Variants in MACROD2 observed in about 807,000 individuals in gnomAD.
MACROD2 encodes ADP-ribose glycohydrolase MACROD2.
A neutral mutation model predicts 70.4 loss-of-function variants in MACROD2; 36 were observed. The ratio of observed to expected loss-of-function variants is 0.51; its 90% confidence interval spans 0.39 to 0.68. MACROD2 has a LOEUF of 0.68. Ranked by LOEUF, MACROD2 falls within the 30% of genes least tolerant of loss-of-function variation. MACROD2 has a pLI of 0.00. For missense variants in MACROD2, 496 were observed against 538.4 expected, an observed-to-expected ratio of 0.92 and a Z score of 0.78; for synonymous variants, 172 against 178.8, an observed-to-expected ratio of 0.96 and a Z score of 0.30.
At chr20:14,075,938 G>T (rs2053910852) in intron 2 of MACROD2, among the ~76,000 whole-genome samples, 1 of 152,126 alleles carries the variant, frequency 6.6e-6, no homozygotes, top group Admixed American at 6.6e-5. Context: ...TTGGTCCACA[G>T]CCTCCATAAG....
rs189232033 is a variant in MACROD2, at chr20:14,360,568, G to C, written c.272-132911G>C. ...GCACTGCTGTTTGTAAAAAGAACTT[G>C]AATGAGTCACTTCATCTCTCCTGAG... On this transcript the variant is annotated intron_variant, in intron 3 of 17. Transcript: ENST00000684519. Among the ~76,000 whole-genome samples the C allele has an allele frequency of 3.1e-3, 466 of 152,274 alleles. 6 individuals are homozygous for C. In the Middle Eastern group the frequency reaches 0.034, roughly 11 times the overall value.
chr20:14,014,395 C>A (rs1293050214), intron 2 of MACROD2, among the ~76,000 whole-genome samples: 1 of 152,076 alleles, frequency 6.6e-6, no homozygotes, highest in African/African-American at 2.4e-5. Flanking sequence ...GTGTTTAAAA[C>A]AAGAATTTAA....
chr20:14,694,237 T>C (rs141738360), intron 5 of MACROD2, among the ~76,000 whole-genome samples: 349 of 152,364 alleles, frequency 2.3e-3, no homozygotes, highest in Admixed American at 3.0e-3. Context: ...TTTGTAACTT[T>C]AGTCTAATTT....
At chr20:15,100,224 A>T (rs1236188546) in intron 5 of MACROD2, among the ~76,000 whole-genome samples, 1 of 152,098 alleles carries the variant, frequency 6.6e-6, no homozygotes, top group Non-Finnish European at 1.5e-5. Context: ...AGCAGACTAT[A>T]GATAGTTCCC....
chr20:15,040,315 A>AG (rs1292353080), intron 5 of MACROD2, among the ~76,000 whole-genome samples: 2 of 108,834 alleles, frequency 1.8e-5, no homozygotes, highest in South Asian at 2.8e-4. Context: ...ACTCCGTCTC[A>AG]GGAAAAAAAA....
At chr20:15,463,350 C>A (rs1345137599) in intron 7 of MACROD2, among the ~76,000 whole-genome samples, 2 of 152,170 alleles carry the variant, frequency 1.3e-5, no homozygotes, top group Non-Finnish European at 2.9e-5. Context: ...CAAACATTTG[C>A]CTTACCTGAC....
At chr20:14,595,636 T>C (rs1982076447) in intron 4 of MACROD2, among the ~76,000 whole-genome samples, 1 of 152,320 alleles carries the variant, frequency 6.6e-6, no homozygotes, top group African/African-American at 2.4e-5. Context: ...CAGCTTTGCA[T>C]GTATGTCGAG....
At position 14,659,911 on chromosome 20, in the gene MACROD2, A is replaced by G. The variant is rs1397037058; in HGVS notation, c.302-24932A>G. 3.9e-5 allele frequency among the ~76,000 whole-genome samples: 6 copies of G among 152,186 alleles called. No homozygotes were observed. In the East Asian group the frequency reaches 1.2e-3, roughly 29 times the overall value. On this transcript the variant is annotated intron_variant, in intron 4 of 17. Transcript: ENST00000684519. ...TCAGATTTTTGAAAACAAACTAAAT[A>G]TAGCACCCTAAAAAACCTTTCAAAT...
intron 8 of MACROD2, among the ~76,000 whole-genome samples, chr20:15,841,303 C>A (rs2064167485): frequency 6.6e-6 from 1 of 152,088 alleles, no homozygotes; most frequent in Non-Finnish European, 1.5e-5. Flanking sequence ...TGGGGTGGTC[C>A]AGGATGGGGG....
chr20:14,739,147 T>A (rs2071703368), intron 5 of MACROD2, among the ~76,000 whole-genome samples: 1 of 152,036 alleles, frequency 6.6e-6, no homozygotes, highest in African/African-American at 2.4e-5. Flanking sequence ...AATTTAGCAA[T>A]GTGAATCAAT....
At chr20:15,156,366 A>G (rs2145868295) in intron 5 of MACROD2, among the ~76,000 whole-genome samples, 1 of 152,326 alleles carries the variant, frequency 6.6e-6, no homozygotes, top group African/African-American at 2.4e-5. Context: ...CAAAATTATT[A>G]CTTTTCATCT....
intron 4 of MACROD2, among the ~76,000 whole-genome samples, chr20:14,653,641 C>CCA (rs2123516493): frequency 6.6e-6 from 1 of 152,262 alleles, no homozygotes; most frequent in Non-Finnish European, 1.5e-5. Flanking sequence ...CAGGCATGAG[C>CCA]CACTGCACCT....
At chr20:15,843,164 G>T (rs1273241983) in intron 8 of MACROD2, among the ~76,000 whole-genome samples, 9 of 152,138 alleles carry the variant, frequency 5.9e-5, no homozygotes, top group Admixed American at 5.9e-4. Flanking sequence ...CTTTGACAAT[G>T]AAACAGAGTT....
chr20:14,486,879 T>C (rs1297171859), intron 3 of MACROD2, among the ~76,000 whole-genome samples: 1 of 152,158 alleles, frequency 6.6e-6, no homozygotes, highest in East Asian at 1.9e-4. Flanking sequence ...ATAGATAATA[T>C]GCAAAATATT....
chr20:14,742,138 C>T (rs1270359171), intron 5 of MACROD2, among the ~76,000 whole-genome samples: 1 of 152,086 alleles, frequency 6.6e-6, no homozygotes, highest in African/African-American at 2.4e-5. Context: ...TTTATAAAAA[C>T]TGTTTTTGGA....
chr20:15,433,580 T>A (rs2046391296), intron 7 of MACROD2, among the ~76,000 whole-genome samples: 2 of 149,202 alleles, frequency 1.3e-5, no homozygotes, highest in Non-Finnish European at 1.5e-5. Flanking sequence ...CACAAACAAA[T>A]GGAAATATAT....
At chr20:14,816,799 A>C (rs148260863) in intron 5 of MACROD2, among the ~76,000 whole-genome samples, 203 of 152,118 alleles carry the variant, frequency 1.3e-3, no homozygotes, top group African/African-American at 4.7e-3. Flanking sequence ...ATTATATGAG[A>C]TTCTGGCCTT....
At chr20:15,784,268 A>G (rs1401157159) in intron 8 of MACROD2, among the ~76,000 whole-genome samples, 1 of 152,176 alleles carries the variant, frequency 6.6e-6, no homozygotes, top group Non-Finnish European at 1.5e-5. Context: ...GGTGTGTTGT[A>G]ACAAGTGCCT....
chr20:15,878,836 T>C (rs2064712673), intron 9 of MACROD2, among the ~76,000 whole-genome samples: 1 of 152,146 alleles, frequency 6.6e-6, no homozygotes, highest in South Asian at 2.1e-4. Flanking sequence ...TTCTGAAGTA[T>C]ATAAAGCTAG....
Sources: allele counts gnomAD v4.1 joint callset (sites outside exome capture counted in the v4.1 genomes callset), GRCh38; gene constraint gnomAD v4.1.1; transcripts MANE v1.5; gene names NCBI Gene and HGNC (gene_info 2026-07-23, HGNC 2026-07-21).